Variants in FAM229B observed in about 807,000 individuals in gnomAD.
FAM229B encodes the protein protein FAM229B.
Under a neutral mutation model 6.7 loss-of-function variants are expected in FAM229B, and 2 were observed. The ratio of observed to expected loss-of-function variants is 0.30; its 90% confidence interval spans 0.12 to 0.94. The LOEUF is 0.94. Ranked by LOEUF, FAM229B falls within the 40% of genes least tolerant of loss-of-function variation. The probability of loss-of-function intolerance (pLI) is 0.54; values close to 1 mark genes in which losing one functional copy is unlikely to be tolerated. For missense variants in FAM229B, 93 were observed against 96.2 expected (o/e 0.97, Z 0.14); for synonymous variants, 29 against 34.0 (o/e 0.85, Z 0.51).
chr6:112,102,336 T>C lies in FAM229B; in HGVS notation c.*1549T>C, dbSNP rs1777410042. On this transcript the variant is annotated 3_prime_UTR_variant, in exon 4 of 4. Coordinates refer to ENST00000368656, the MANE Select transcript of FAM229B (RefSeq NM_001033564.3). ...CCGACTCTACTAAAAATACAAAAATTAGTCGGGTATGATGGGCAGGTGCCT... is the reference window on the plus strand; with the variant it reads ...CCGACTCTACTAAAAATACAAAAATCAGTCGGGTATGATGGGCAGGTGCCT... 1 of 151,814 alleles carries C rather than the reference T, an allele frequency of 6.6e-6. No individual in the cohort carries two copies. The highest frequency in any genetic ancestry group is 2.1e-4 in the South Asian group (1 of 4,802). The allele number at this position is 151,814 out of a possible 1,614,324, so 9.4% of individuals were successfully genotyped here.
At chr6:112,091,528 G>C (rs1777256883) in intron 1 of FAM229B, among the ~76,000 whole-genome samples, 1 of 152,154 alleles carries the variant, frequency 6.6e-6, no homozygotes, top group Admixed American at 6.5e-5. Context: ...AGTTAGCCCT[G>C]GATGAAAGGC....
intron 1 of FAM229B, among the ~76,000 whole-genome samples, chr6:112,094,293 G>T (rs1047198232): frequency 3.3e-5 from 5 of 152,156 alleles, no homozygotes; most frequent in Non-Finnish European, 7.4e-5. Context: ...AAAATTATTT[G>T]ATAGGCTTCC....
intron 1 of FAM229B, among the ~76,000 whole-genome samples, chr6:112,096,078 T>A (rs1777321091): frequency 6.6e-6 from 1 of 152,192 alleles, no homozygotes; most frequent in African/African-American, 2.4e-5. Flanking sequence ...AAAAACTGCT[T>A]AGCTGAAGAG....
intron 1 of FAM229B, among the ~76,000 whole-genome samples, chr6:112,090,849 T>C (rs975903028): frequency 2.0e-5 from 3 of 152,194 alleles, no homozygotes; most frequent in Admixed American, 2.0e-4. Context: ...ATACTCAGAA[T>C]TTTTTTGTGA....
intron 1 of FAM229B, among the ~76,000 whole-genome samples, chr6:112,095,448 A>G (rs1222416892): frequency 6.6e-6 from 1 of 151,864 alleles, no homozygotes; most frequent in Admixed American, 6.6e-5. Flanking sequence ...CCTGAGCAGC[A>G]TGGTAAAACC....
chr6:112,088,287 G>A (rs1190602264), intron 1 of FAM229B, among the ~76,000 whole-genome samples: 1 of 152,170 alleles, frequency 6.6e-6, no homozygotes, highest in Non-Finnish European at 1.5e-5. Flanking sequence ...ATAGGCAGGA[G>A]AAGATTAAAA....
chr6:112,101,699 A>G lies in FAM229B; in HGVS notation c.*912A>G, dbSNP rs1217171868. 1.3e-5 allele frequency: 2 copies of G among 152,186 alleles called. No individual in the cohort carries two copies. The highest frequency in any genetic ancestry group is 4.8e-5 in the African/African-American group (2 of 41,444). 9.4% of individuals were successfully genotyped at this position (152,186 alleles called of 1,614,324 possible). ...TCCAAAAGACTGACTTTAGGATCAG[A>G]TACAATTTTCACCAGTGTTTTTTGT... On this transcript the variant is annotated 3_prime_UTR_variant, in exon 4 of 4. Coordinates refer to ENST00000368656, the MANE Select transcript of FAM229B (RefSeq NM_001033564.3).
rs587734532 is a variant in FAM229B at position 112,101,150 on chromosome 6, T to C, written c.*363T>C. The C allele has an allele frequency of 1.2e-5, 2 of 170,206 alleles. No individual in the cohort carries two copies. Among genetic ancestry groups the C allele is most frequent in the African/African-American group, 4.8e-5 (2 of 41,940 alleles). The allele number at this position is 170,206 out of a possible 1,614,324, so 10.5% of individuals were successfully genotyped here. On this transcript the variant is annotated 3_prime_UTR_variant, in exon 4 of 4. Transcript: ENST00000368656. ...TGTCTTAAGCTCATTTCCTTGTTCA[T>C]ATTTGGGTTGCTACTTGGCTAAATC...
intron 3 of FAM229B, 32 bp from the exon 4 acceptor site, chr6:112,100,638 T>A (rs1777384973): frequency 1.4e-6 from 2 of 1,433,338 alleles, no homozygotes; most frequent in Non-Finnish European, 2.0e-6. Context: ...CTTTTTAGTA[T>A]CTAACTACAT....
intron 1 of FAM229B, among the ~76,000 whole-genome samples, chr6:112,092,241 A>C (rs1777266051): frequency 6.6e-6 from 1 of 152,092 alleles, no homozygotes. Flanking sequence ...AACAGAAAGA[A>C]ACTATGCCAA....
chr6:112,092,939 A>T (rs1554318300), intron 1 of FAM229B, among the ~76,000 whole-genome samples: 1 of 152,056 alleles, frequency 6.6e-6, no homozygotes. Flanking sequence ...TTCATAAAAT[A>T]TATTCATTGA....
Position 112,101,483 on chromosome 6 carries a change from T to C in FAM229B, c.*696T>C, listed in dbSNP as rs1562612496. The C allele has an allele frequency of 6.6e-6, 1 of 152,234 alleles. No individual in the cohort carries two copies. The highest frequency in any genetic ancestry group is 1.5e-5 in the Non-Finnish European group (1 of 68,050). The allele number at this position is 152,234 out of a possible 1,614,324, so 9.4% of individuals were successfully genotyped here. A position where few individuals can be genotyped will look rare whatever the true frequency, so the allele number is the denominator to read the frequency against. On this transcript the variant is annotated 3_prime_UTR_variant, in exon 4 of 4. Transcript: ENST00000368656. ...TACACGAAGTGCTAACCAGGTATCT[T>C]GATAAATTGTTTACAGTAGGTATTG... is the stretch of plus-strand genomic sequence containing the variant.
Position 112,100,907 on chromosome 6 carries a change from T to C in FAM229B, c.*120T>C, listed in dbSNP as rs1777390625. 2 of 745,118 alleles carry C rather than the reference T, an allele frequency of 2.7e-6. No individual in the cohort carries two copies. Among genetic ancestry groups the C allele is most frequent in the African/African-American group, 3.5e-5 (2 of 57,078 alleles). The allele number at this position is 745,118 out of a possible 1,614,324, so 46.2% of individuals were successfully genotyped here. Reference sequence around the variant, plus strand: ...TTAGATGATGACAACAGTTGAGCTCTTTACTTTTAGTAAGACCGACAGAAA... The same window carrying C: ...TTAGATGATGACAACAGTTGAGCTCCTTACTTTTAGTAAGACCGACAGAAA... On this transcript the variant is annotated 3_prime_UTR_variant, in exon 4 of 4. Coordinates refer to ENST00000368656, the MANE Select transcript of FAM229B (RefSeq NM_001033564.3).
intron 2 of FAM229B, among the ~76,000 whole-genome samples, chr6:112,097,813 C>A (rs1777346604): frequency 6.6e-6 from 1 of 152,174 alleles, no homozygotes; most frequent in Admixed American, 6.5e-5. Context: ...TAAATGTCCA[C>A]TGTGTGACAA....
intron 1 of FAM229B, among the ~76,000 whole-genome samples, chr6:112,089,044 A>G (rs1247659964): frequency 8.5e-5 from 13 of 152,214 alleles, no homozygotes; most frequent in African/African-American, 3.1e-4. Context: ...ACTTCCGTAT[A>G]TGCAAACCCG....
chr6:112,087,906 C>A (rs1389580490), intron 1 of FAM229B, among the ~76,000 whole-genome samples, 186 bp downstream of exon 1: 2 of 152,088 alleles, frequency 1.3e-5, no homozygotes, highest in African/African-American at 4.8e-5. Context: ...AGAAAATGAA[C>A]AATGGCGTTG....
At chr6:112,091,476 A>G (rs1414243969) in intron 1 of FAM229B, among the ~76,000 whole-genome samples, 2 of 152,178 alleles carry the variant, frequency 1.3e-5, no homozygotes, top group Non-Finnish European at 2.9e-5. Context: ...TAGCTGGAAC[A>G]TTGAGTTGAG....
At chr6:112,087,804 C>T in intron 1 of FAM229B, 84 bp downstream of exon 1, 1 of 252,504 alleles carries the variant, frequency 4.0e-6, no homozygotes, top group South Asian at 1.3e-4. Context: ...TTGTTCACAG[C>T]CTCAACACCC....
chr6:112,098,780 A>C (rs1435928761), intron 2 of FAM229B, among the ~76,000 whole-genome samples: 1 of 152,242 alleles, frequency 6.6e-6, no homozygotes, highest in Admixed American at 6.5e-5. Context: ...ATTTAAAGGC[A>C]TACAGAATTT....
Sources: gnomAD v4.1 joint callset for allele counts (sites outside exome capture counted in the v4.1 genomes callset) on GRCh38, gnomAD v4.1.1 for gene constraint, MANE v1.5 for transcripts, NCBI Gene and HGNC (gene_info 2026-07-23, HGNC 2026-07-21) for gene names.